The following NCOR2 variants were observed in gnomAD, a reference collection of about 807,000 sequenced individuals.
The protein encoded by NCOR2 is nuclear receptor corepressor 2.
NCOR2 carries 81 observed loss-of-function variants against 262.9 expected under a neutral mutation model. That is an observed-to-expected ratio of 0.31 (90% CI 0.26 to 0.37). The LOEUF is 0.37. Among genes scored for constraint, NCOR2 ranks in the 10% least tolerant of loss-of-function variants. The pLI is 1.00. For missense variants in NCOR2, 3,385 were observed against 3,621.4 expected, an observed-to-expected ratio of 0.93 and a Z score of 1.68; for synonymous variants, 1,659 against 1,559.3, an observed-to-expected ratio of 1.06 and a Z score of -1.51.
Position 124,402,540 on chromosome 12 carries a change from GC to G in NCOR2, c.1503del (p.Gln501HisfsTer109). 6.4e-7 allele frequency: 1 copy of G among 1,572,294 alleles called. No individual in the cohort carries two copies. Among genetic ancestry groups the G allele is most frequent in the Non-Finnish European group, 8.6e-7 (1 of 1,158,850 alleles). Reference sequence around the variant, plus strand: ...TGCTGCTGCTGCTGCTGCTGCTGCTGCTGCTGCTGTTGTTGCTGCTGCTGTC... The same window carrying G: ...TGCTGCTGCTGCTGCTGCTGCTGCTGTGCTGCTGTTGTTGCTGCTGCTGTC... On this transcript the variant is annotated frameshift_variant, in exon 14 of 47. Coordinates refer to ENST00000405201, the Ensembl canonical transcript of NCOR2. LOFTEE classifies it high-confidence loss of function.
chr12:124,425,285 A>T (rs1468247280), intron 11 of NCOR2, among the ~76,000 whole-genome samples: 1 of 152,102 alleles, frequency 6.6e-6, no homozygotes, highest in Non-Finnish European at 1.5e-5. Flanking sequence ...GAGGCAGGAG[A>T]ATGGCGTGAA....
chr12:124,465,804 ATTATCT>A (rs1329936024), intron 5 of NCOR2, among the ~76,000 whole-genome samples: 1 of 152,140 alleles, frequency 6.6e-6, no homozygotes, highest in Non-Finnish European at 1.5e-5. Flanking sequence ...TCATAATGTC[ATTATCT>A]TTTGCCTTAA....
At chr12:124,520,217 C>G (rs79042422) in intron 1 of NCOR2, among the ~76,000 whole-genome samples, 1 of 152,188 alleles carries the variant, frequency 6.6e-6, no homozygotes, top group Non-Finnish European at 1.5e-5. Flanking sequence ...GCTACTCTTA[C>G]GCCTTCTTTT....
At chr12:124,544,852 C>T (rs967606865) in intron 1 of NCOR2, among the ~76,000 whole-genome samples, 3 of 151,964 alleles carry the variant, frequency 2.0e-5, no homozygotes, top group African/African-American at 7.3e-5. Flanking sequence ...ACTGCGACCC[C>T]TGTGTGTGCT....
At chr12:124,416,629 C>T (rs146591489) in intron 13 of NCOR2, among the ~76,000 whole-genome samples, 4,065 of 141,866 alleles carry the variant, frequency 0.029, 131 homozygotes, top group South Asian at 0.1. Flanking sequence ...GGAGTCCCCG[C>T]GGCACAGATA....
At chr12:124,419,833 G>T in intron 13 of NCOR2, 124 bp downstream of exon 15, 1 of 857,736 alleles carries the variant, frequency 1.2e-6, no homozygotes, top group Non-Finnish European at 1.9e-6. Flanking sequence ...CACTGCCGGT[G>T]GCCAAGCAAC....
intron 22 of NCOR2, among the ~76,000 whole-genome samples, chr12:124,357,083 G>C (rs906100985): frequency 6.6e-6 from 1 of 152,256 alleles, no homozygotes; most frequent in African/African-American, 2.4e-5. Flanking sequence ...ACCAAGCCCA[G>C]CAAGCCAAGG....
intron 1 of NCOR2, among the ~76,000 whole-genome samples, chr12:124,509,924 C>T (rs779652182): frequency 2.0e-5 from 3 of 152,108 alleles, no homozygotes; most frequent in Non-Finnish European, 2.9e-5. Flanking sequence ...AGGAACATCA[C>T]GATCTCTCTT....
intron 14 of NCOR2, among the ~76,000 whole-genome samples, chr12:124,401,315 A>G (rs988912422): frequency 6.6e-6 from 1 of 152,114 alleles, no homozygotes; most frequent in Non-Finnish European, 1.5e-5. Context: ...TGGCTATTTT[A>G]TTCCCCAAAT....
rs139862588 is a variant in NCOR2 at position 124,448,840 on chromosome 12, A to AT, written c.815+974dup. Among the ~76,000 whole-genome samples the AT allele has an allele frequency of 2.6e-3, 403 of 152,252 alleles. 5 individuals carry two copies. Among genetic ancestry groups the AT allele is most frequent in the African/African-American group, 9.4e-3 (390 of 41,540 alleles). On this transcript the variant is annotated intron_variant, in intron 7 of 46. Coordinates refer to ENST00000405201, the Ensembl canonical transcript of NCOR2. ...GTTCCATCCCAGGAACGCTTGAACA[A>AT]TCGGACCGGGCTGAACTACCCACCG...
intron 17 of NCOR2, among the ~76,000 whole-genome samples, chr12:124,379,618 G>T (rs1186866126): frequency 6.6e-6 from 1 of 152,220 alleles, no homozygotes; most frequent in Non-Finnish European, 1.5e-5. Context: ...TGAGAAAGAG[G>T]TGGGCCCTCC....
At chr12:124,401,055 C>A (rs565030160) in intron 14 of NCOR2, among the ~76,000 whole-genome samples, 4 of 152,152 alleles carry the variant, frequency 2.6e-5, no homozygotes, top group Admixed American at 2.0e-4. Flanking sequence ...AGAAAAAGAT[C>A]AGAAAATTAG....
exon 20 of NCOR2, chr12:124,372,161 C>T (rs1282504907): frequency 2.5e-6 from 4 of 1,601,242 alleles, no homozygotes; most frequent in East Asian, 2.2e-5. Context: ...GCCTTGAGCG[C>T]CCCCTCGGCC....
rs2044927087 is a variant in NCOR2 at position 124,443,162 on chromosome 12, T to C, written c.816-5166A>G. Among the ~76,000 whole-genome samples the C allele has an allele frequency of 6.6e-6, 1 of 152,230 alleles. No homozygotes were observed. Among genetic ancestry groups the C allele is most frequent in the Admixed American group, 6.5e-5 (1 of 15,284 alleles). On this transcript the variant is annotated intron_variant, in intron 7 of 46. Coordinates refer to ENST00000405201, the Ensembl canonical transcript of NCOR2. The surrounding 1 kb of genome is among the most constrained non-coding windows in gnomAD (Gnocchi z 4.4). ...GAGTGTTAAGGCAGCGCTGAGAAGC[T>C]AGTCCGGCGTGTGATCTTCCACAAA...
In NCOR2 at chr12:124,523,644, A is replaced by AAAAAC. The variant is rs2050309175; in HGVS notation, c.-118+11920_-118+11921insGTTTT. 6.6e-6 allele frequency among the ~76,000 whole-genome samples: 1 copy of AAAAAC among 151,678 alleles called. No homozygotes were observed. The highest frequency in any genetic ancestry group is 2.4e-5 in the African/African-American group (1 of 41,214). ...AACCATAGCTGATGAACTAAAAAAAAAAAAAACAAAAAACCGAAAAACAAT... is the reference window on the plus strand; with the variant it reads ...AACCATAGCTGATGAACTAAAAAAAAAAAACAAAAAACAAAAAACCGAAAAACAAT... On this transcript the variant is annotated intron_variant, in intron 1 of 46. Transcript: ENST00000404621. The surrounding 1 kb of genome is among the most constrained non-coding windows in gnomAD (Gnocchi z 4.0).
At chr12:124,494,523 C>T (rs531138888) in intron 1 of NCOR2, among the ~76,000 whole-genome samples, 17 of 152,280 alleles carry the variant, frequency 1.1e-4, no homozygotes, top group African/African-American at 3.1e-4. Context: ...TTAGGAGACC[C>T]GACCAGGGCA....
intron 17 of NCOR2, among the ~76,000 whole-genome samples, chr12:124,380,782 C>T (rs538259948): frequency 1.3e-5 from 2 of 151,960 alleles, no homozygotes; most frequent in African/African-American, 2.4e-5. Context: ...GGTGTCTCTG[C>T]GGGGGGCGGC....
At chr12:124,325,678 C>T (rs1340004194) in intron 46 of NCOR2, 95 bp from the exon 49 acceptor site, 40 of 833,920 alleles carry the variant, frequency 4.8e-5, no homozygotes, top group Non-Finnish European at 5.8e-5. Context: ...GAGGCCTCAG[C>T]GTTTCTGTCC....
upstream of NCOR2, chr12:124,539,030 C>CACCAGGGT (rs2051205841): frequency 6.6e-6 from 1 of 152,258 alleles, no homozygotes; most frequent in Admixed American, 6.5e-5. This position sits in a 1 kb window ranked among gnomAD's most constrained non-coding sequence, Gnocchi z 5.1. Context: ...GGCACCAGGG[C>CACCAGGGT]ACAGGGCTGG....
Sources: gnomAD v4.1 joint callset for allele counts (sites outside exome capture counted in the v4.1 genomes callset) on GRCh38, gnomAD v4.1.1 for gene constraint, Gnocchi (gnomAD v3.1) non-coding constraint, MANE v1.5 for transcripts, NCBI Gene and HGNC (gene_info 2026-07-23, HGNC 2026-07-21) for gene names.